The following SPAG16 variants were observed in gnomAD, a reference collection of about 807,000 sequenced individuals.
SPAG16 encodes sperm associated antigen 16, also known as sperm-associated antigen 16 protein.
SPAG16 carries 86 observed loss-of-function variants against 80.4 expected under a neutral mutation model. The observed-to-expected ratio is 1.07, with a 90% CI of 0.90 to 1.28. The LOEUF is 1.28. Ranked by LOEUF, SPAG16 falls within the 50% of genes most tolerant of loss-of-function variation. The probability of loss-of-function intolerance (pLI) is 0.00; values close to 1 mark genes in which losing one functional copy is unlikely to be tolerated. For synonymous variants in SPAG16, 294 were observed against 265.9 expected (o/e 1.11, Z -1.03); for missense variants, 870 against 765.3 (o/e 1.14, Z -1.61).
At chr2:214,200,083 G>T (rs1049622889) in intron 15 of SPAG16, among the ~76,000 whole-genome samples, 1 of 152,058 alleles carries the variant, frequency 6.6e-6, no homozygotes, top group African/African-American at 2.4e-5. Context: ...CAATTTGGAT[G>T]CCCTTTATTT....
chr2:213,978,776 T>A (rs188033327), intron 12 of SPAG16, among the ~76,000 whole-genome samples: 1 of 152,100 alleles, frequency 6.6e-6, no homozygotes, highest in Non-Finnish European at 1.5e-5. Flanking sequence ...CAGGAAGATC[T>A]GTTTTCAAGC....
At chr2:213,950,177 G>T (rs1037669000) in intron 12 of SPAG16, among the ~76,000 whole-genome samples, 3 of 152,098 alleles carry the variant, frequency 2.0e-5, no homozygotes, top group South Asian at 2.1e-4. Context: ...CAAAGAAAAG[G>T]TTCGTGTAGT....
chr2:213,421,314 C>T (rs1009174866), intron 9 of SPAG16, among the ~76,000 whole-genome samples: 8 of 152,268 alleles, frequency 5.3e-5, no homozygotes, highest in African/African-American at 9.6e-5. Context: ...GGGGTGGTGC[C>T]GACTCACCAG....
intron 10 of SPAG16, among the ~76,000 whole-genome samples, chr2:213,600,848 C>T (rs2124970656): frequency 6.6e-6 from 1 of 152,306 alleles, no homozygotes; most frequent in Non-Finnish European, 1.5e-5. Context: ...CTTTTACCTT[C>T]ACTCTCTGAA....
intron 12 of SPAG16, among the ~76,000 whole-genome samples, chr2:213,991,283 A>G (rs114933049): frequency 0.025 from 3,872 of 152,182 alleles, 163 homozygotes; most frequent in African/African-American, 0.089. Flanking sequence ...TTACTTTGTT[A>G]AAAATGATGG....
intron 10 of SPAG16, among the ~76,000 whole-genome samples, chr2:213,702,905 T>C (rs1159558758): frequency 6.6e-6 from 1 of 152,178 alleles, no homozygotes; most frequent in Non-Finnish European, 1.5e-5. Context: ...GGAGGTGGGC[T>C]TCTCTTTGGG....
intron 10 of SPAG16, among the ~76,000 whole-genome samples, chr2:213,817,544 G>T (rs2072631385): frequency 6.6e-6 from 1 of 151,840 alleles, no homozygotes; most frequent in Non-Finnish European, 1.5e-5. Context: ...TATGTTTATT[G>T]CAGCACTATT....
chr2:213,817,250 A>G (rs2072607591), intron 10 of SPAG16, among the ~76,000 whole-genome samples: 2 of 142,074 alleles, frequency 1.4e-5, no homozygotes, highest in Admixed American at 1.4e-4. Flanking sequence ...ATATACTTAT[A>G]TATATGATAT....
At chr2:213,404,117 A>G (rs1276843556) in intron 9 of SPAG16, among the ~76,000 whole-genome samples, 5 of 152,168 alleles carry the variant, frequency 3.3e-5, no homozygotes, top group Non-Finnish European at 7.4e-5. Flanking sequence ...AATATCATGA[A>G]AATGGCCATA....
intron 10 of SPAG16, among the ~76,000 whole-genome samples, chr2:213,764,544 G>A (rs1052608124): frequency 2.6e-5 from 4 of 152,066 alleles, no homozygotes; most frequent in East Asian, 3.9e-4. Context: ...CTGAAAAATA[G>A]AGAATCTAGA....
At chr2:214,282,824 A>C (rs1265002409) in intron 15 of SPAG16, among the ~76,000 whole-genome samples, 1 of 152,196 alleles carries the variant, frequency 6.6e-6, no homozygotes, top group Non-Finnish European at 1.5e-5. Flanking sequence ...TATCCAGTCC[A>C]AAACTGTGAG....
chr2:213,437,887 G>C (rs771027227), intron 9 of SPAG16, among the ~76,000 whole-genome samples: 5 of 152,128 alleles, frequency 3.3e-5, no homozygotes, highest in Non-Finnish European at 7.4e-5. Flanking sequence ...CTTAAACTAG[G>C]TTCTTTTGGT....
chr2:214,296,155 G>T (rs1290333767), intron 15 of SPAG16, among the ~76,000 whole-genome samples: 1 of 152,096 alleles, frequency 6.6e-6, no homozygotes, highest in Non-Finnish European at 1.5e-5. Flanking sequence ...AGTGATTTAT[G>T]ATTTTTATGT....
At chr2:214,273,893 G>A (rs942995776) in intron 15 of SPAG16, among the ~76,000 whole-genome samples, 1 of 152,106 alleles carries the variant, frequency 6.6e-6, no homozygotes, top group South Asian at 2.1e-4. Flanking sequence ...GTGCAGTATG[G>A]CCATTTTCAC....
chr2:214,108,439 T>TCACACACACA (rs71037342), intron 14 of SPAG16, among the ~76,000 whole-genome samples, 178 bp downstream of exon 14: 1,342 of 125,044 alleles, frequency 0.011, 12 homozygotes, highest in Middle Eastern at 0.023. Context: ...ATTTTAAAAT[T>TCACACACACA]CACACACACA....
At chr2:213,779,453 G>A (rs1000558439) in intron 10 of SPAG16, among the ~76,000 whole-genome samples, 3 of 152,166 alleles carry the variant, frequency 2.0e-5, no homozygotes, top group Non-Finnish European at 2.9e-5. Flanking sequence ...TATTCCTTTT[G>A]TGATATGTTC....
At chr2:213,346,022 G>C (rs539818514) in intron 6 of SPAG16, among the ~76,000 whole-genome samples, 1 of 152,162 alleles carries the variant, frequency 6.6e-6, no homozygotes, top group African/African-American at 2.4e-5. Flanking sequence ...AGCATGGAAT[G>C]TTCTTCCATT....
intron 6 of SPAG16, among the ~76,000 whole-genome samples, chr2:213,347,556 A>C (rs1376396629): frequency 3.9e-5 from 6 of 152,128 alleles, no homozygotes; most frequent in African/African-American, 1.2e-4. Flanking sequence ...CACTGCTTTA[A>C]ATGTGTCCCA....
At chr2:214,341,354 A>C (rs1444755065) in intron 15 of SPAG16, among the ~76,000 whole-genome samples, 1 of 152,182 alleles carries the variant, frequency 6.6e-6, no homozygotes, top group Non-Finnish European at 1.5e-5. Context: ...AATAAATGAT[A>C]AAAGAAAATT....
Sources: allele counts gnomAD v4.1 joint callset (sites outside exome capture counted in the v4.1 genomes callset), GRCh38; gene constraint gnomAD v4.1.1; transcripts MANE v1.5; gene names NCBI Gene and HGNC (gene_info 2026-07-23, HGNC 2026-07-21).